BRINP3: variants seen among roughly 807,000 people sequenced by gnomAD.
The protein encoded by BRINP3 is BMP/retinoic acid-inducible neural-specific protein 3.
A neutral mutation model predicts 71.0 loss-of-function variants in BRINP3; 19 were observed. The observed-to-expected ratio is 0.27, with a 90% CI of 0.19 to 0.39. The LOEUF (loss-of-function observed/expected upper bound fraction) is 0.39. Among genes scored for constraint, BRINP3 ranks in the 10% least tolerant of loss-of-function variants. The probability of loss-of-function intolerance (pLI) is 1.00; values close to 1 mark genes in which losing one functional copy is unlikely to be tolerated. For synonymous variants in BRINP3, 380 were observed against 337.7 expected (o/e 1.13, Z -1.37); for missense variants, 959 against 940.8 (o/e 1.02, Z -0.25).
intron 4 of BRINP3, among the ~76,000 whole-genome samples, chr1:190,249,393 C>G (rs903128740): frequency 6.6e-6 from 1 of 151,664 alleles, no homozygotes; most frequent in African/African-American, 2.4e-5. Flanking sequence ...GGATCACTTA[C>G]TATGTATACA....
chr1:190,324,189 A>T (rs1377698734), intron 2 of BRINP3, among the ~76,000 whole-genome samples: 2 of 152,036 alleles, frequency 1.3e-5, no homozygotes, highest in South Asian at 2.1e-4. Flanking sequence ...AAAAAGAAAG[A>T]TCATTTTCTA....
rs554384440 is a variant in BRINP3 at position 190,139,912 on chromosome 1, A to AG, written c.1184+20755dup. Among the ~76,000 whole-genome samples, 128 of 152,334 alleles carry AG rather than the reference A, an allele frequency of 8.4e-4. 1 individual carries two copies. In the Middle Eastern group the frequency reaches 0.01, roughly 12 times the overall value. On this transcript the variant is annotated intron_variant, in intron 7 of 7. Transcript: ENST00000367462. ...GAGTAAACCACAATCCTTGTCTCTG[A>AG]GGGCTTGCTTTCTATTGGAAAATAC...
chr1:190,304,547 G>A (rs1325121277), intron 2 of BRINP3, among the ~76,000 whole-genome samples: 1 of 151,698 alleles, frequency 6.6e-6, no homozygotes, highest in Non-Finnish European at 1.5e-5. Context: ...TCAAAAAATG[G>A]CACTGGGAAA....
At chr1:190,211,470 G>C (rs368014661) in intron 6 of BRINP3, among the ~76,000 whole-genome samples, 5 of 151,954 alleles carry the variant, frequency 3.3e-5, no homozygotes, top group African/African-American at 1.2e-4. Flanking sequence ...AAATCAAATC[G>C]AATGTATAGA....
chr1:190,099,716 A>G (rs754801797), intron 7 of BRINP3, among the ~76,000 whole-genome samples: 2 of 152,202 alleles, frequency 1.3e-5, no homozygotes, highest in Non-Finnish European at 2.9e-5. Context: ...CATTGAAAGA[A>G]CAAGTACCCA....
chr1:190,229,761 G>A (rs1657778336), intron 5 of BRINP3, among the ~76,000 whole-genome samples: 1 of 149,818 alleles, frequency 6.7e-6, no homozygotes, highest in South Asian at 2.1e-4. Context: ...AATTAAAATA[G>A]CATTGAAACT....
At position 190,477,256 on chromosome 1, in the gene BRINP3, G is replaced by A. The variant is rs180813660; in HGVS notation, c.-51+192C>T. ...TATTGGGGTAATACATGGGATATTG[G>A]GGTAATACATTACATGGGTTATGTC... On this transcript the variant is annotated intron_variant, in intron 1 of 7. Transcript: ENST00000367462. Among the ~76,000 whole-genome samples the A allele has an allele frequency of 1.9e-3, 290 of 152,144 alleles. 3 individuals are homozygous for A. The highest frequency in any genetic ancestry group is 6.0e-3 in the African/African-American group (250 of 41,500).
At chr1:190,210,710 T>C (rs1244587651) in intron 6 of BRINP3, among the ~76,000 whole-genome samples, 6 of 152,080 alleles carry the variant, frequency 3.9e-5, no homozygotes, top group African/African-American at 1.4e-4. Flanking sequence ...TGATGGTTAA[T>C]ACTGATTGTC....
At chr1:190,476,527 ATCTTGTCAGTTAAG>A (rs749213721) in intron 1 of BRINP3, among the ~76,000 whole-genome samples, 1 of 152,188 alleles carries the variant, frequency 6.6e-6, no homozygotes, top group Non-Finnish European at 1.5e-5. Context: ...GGAGGTGATA[ATCTTGTCAGTTAAG>A]TCCATAGAAA....
At chr1:190,139,195 T>C (rs1342770798) in intron 7 of BRINP3, among the ~76,000 whole-genome samples, 2 of 151,216 alleles carry the variant, frequency 1.3e-5, no homozygotes, top group Non-Finnish European at 2.9e-5. Context: ...ACACCTGTAA[T>C]CCCAGCCTTT....
chr1:190,445,692 A>G (rs1359816052), intron 2 of BRINP3, among the ~76,000 whole-genome samples: 1 of 152,102 alleles, frequency 6.6e-6, no homozygotes, highest in Non-Finnish European at 1.5e-5. Context: ...TGCCCATTAA[A>G]AAAATACATA....
intron 7 of BRINP3, among the ~76,000 whole-genome samples, chr1:190,107,058 A>C (rs1652238437): frequency 6.6e-6 from 1 of 151,962 alleles, no homozygotes; most frequent in East Asian, 1.9e-4. Context: ...TGTCACAATT[A>C]AAGCAAGAAT....
intron 6 of BRINP3, among the ~76,000 whole-genome samples, chr1:190,220,817 C>CA (rs1000815889): frequency 6.6e-6 from 1 of 151,268 alleles, no homozygotes; most frequent in Non-Finnish European, 1.5e-5. Flanking sequence ...ACAAATATGC[C>CA]AAAAAAAAGT....
chr1:190,366,490 C>A (rs1243227385), intron 2 of BRINP3, among the ~76,000 whole-genome samples: 1 of 152,012 alleles, frequency 6.6e-6, no homozygotes, highest in Admixed American at 6.6e-5. Flanking sequence ...AGGACACAGC[C>A]AAATTATATC....
chr1:190,452,602 T>C lies in BRINP3; in HGVS notation c.236+2053A>G, dbSNP rs552989229. 7.5e-4 allele frequency among the ~76,000 whole-genome samples: 114 copies of C among 152,286 alleles called. 1 individual carries two copies. The highest frequency in any genetic ancestry group is 2.6e-3 in the African/African-American group (106 of 41,560). Reference sequence around the variant, plus strand: ...GGCCGCGCACGGTGGCTCACGCCTGTAATCCCAGCACTTTAGGAGGCCACG... The same window carrying C: ...GGCCGCGCACGGTGGCTCACGCCTGCAATCCCAGCACTTTAGGAGGCCACG... On this transcript the variant is annotated intron_variant, in intron 2 of 7. Coordinates refer to ENST00000367462, the MANE Select transcript of BRINP3 (RefSeq NM_199051.3).
At chr1:190,217,099 G>A (rs1471282835) in intron 6 of BRINP3, 3 of 151,858 alleles carry the variant, frequency 2.0e-5, no homozygotes, top group East Asian at 3.9e-4. Context: ...AGACAAATTA[G>A]TATGTCTTGC....
chr1:190,464,507 C>T (rs1676609860), intron 1 of BRINP3, among the ~76,000 whole-genome samples: 1 of 151,704 alleles, frequency 6.6e-6, no homozygotes, highest in Non-Finnish European at 1.5e-5. Flanking sequence ...TTTCGTAATC[C>T]CTGGAGCCCC....
intron 2 of BRINP3, among the ~76,000 whole-genome samples, chr1:190,432,863 G>C (rs1308564645): frequency 2.0e-5 from 3 of 151,936 alleles, no homozygotes; most frequent in Admixed American, 2.0e-4. Flanking sequence ...ATGTTATTTG[G>C]GACTGTAGCA....
At chr1:190,130,779 A>G (rs1261665579) in intron 7 of BRINP3, among the ~76,000 whole-genome samples, 1 of 151,962 alleles carries the variant, frequency 6.6e-6, no homozygotes, top group Non-Finnish European at 1.5e-5. Flanking sequence ...AGAGATAACT[A>G]CTAATTTGGG....
Sources: gnomAD v4.1 joint callset for allele counts (sites outside exome capture counted in the v4.1 genomes callset) on GRCh38, gnomAD v4.1.1 for gene constraint, MANE v1.5 for transcripts, NCBI Gene and HGNC (gene_info 2026-07-23, HGNC 2026-07-21) for gene names.